The following SSX2IP variants were observed in gnomAD, a reference collection of about 807,000 sequenced individuals.
The protein encoded by SSX2IP is SSX family member 2 interacting protein.
SSX2IP carries 55 observed loss-of-function variants against 84.9 expected under a neutral mutation model. The ratio of observed to expected loss-of-function variants is 0.65; its 90% CI spans 0.52 to 0.81. The LOEUF (loss-of-function observed/expected upper bound fraction) is 0.81, where lower values mean the gene tolerates loss of function less well. Among genes scored for constraint, SSX2IP ranks in the 30% least tolerant of loss-of-function variants. The pLI is 0.00. For synonymous variants in SSX2IP, 239 were observed against 234.7 expected (o/e 1.02, Z -0.17); for missense variants, 664 against 705.2 (o/e 0.94, Z 0.66).
chr1:84,664,628 C>T, intron 5 of SSX2IP, 76 bp from the exon 6 acceptor site: 9 of 1,292,086 alleles, frequency 7.0e-6, no homozygotes, highest in Non-Finnish European at 9.3e-6. Flanking sequence ...AAATTCATCT[C>T]CCCATATAGG....
At chr1:84,671,119 T>C (rs1015962416) in intron 2 of SSX2IP, 58 bp downstream of exon 2, 24 of 1,569,904 alleles carry the variant, frequency 1.5e-5, no homozygotes, top group African/African-American at 4.1e-5. Context: ...TATATTTTCA[T>C]TGAAAAATTC....
chr1:84,648,279 C>G (rs1649733487), intron 13 of SSX2IP, among the ~76,000 whole-genome samples: 1 of 152,024 alleles, frequency 6.6e-6, no homozygotes, highest in Non-Finnish European at 1.5e-5. Context: ...AGTTATAAAA[C>G]TTTTTTCTGT....
At chr1:84,673,522 T>C (rs1023887764) in intron 1 of SSX2IP, among the ~76,000 whole-genome samples, 2 of 152,208 alleles carry the variant, frequency 1.3e-5, no homozygotes, top group South Asian at 2.1e-4. Flanking sequence ...GGTAGGAAAG[T>C]AGCATGTTCT....
chr1:84,665,301 GT>G (rs1261521304), intron 5 of SSX2IP, among the ~76,000 whole-genome samples: 1 of 152,060 alleles, frequency 6.6e-6, no homozygotes, highest in Non-Finnish European at 1.5e-5. Flanking sequence ...CAACCTTACA[GT>G]TTAAATACTA....
chr1:84,654,491 TA>T (rs955856422), intron 11 of SSX2IP, among the ~76,000 whole-genome samples: 22 of 148,874 alleles, frequency 1.5e-4, no homozygotes, highest in Admixed American at 3.3e-4. Flanking sequence ...GCACTATTTA[TA>T]AAAAAAAAAT....
At chr1:84,660,416 T>G (rs1307313662) in intron 8 of SSX2IP, among the ~76,000 whole-genome samples, 1 of 152,182 alleles carries the variant, frequency 6.6e-6, no homozygotes, top group East Asian at 1.9e-4. Flanking sequence ...GATGCTGCAG[T>G]AGTAATGGAC....
chr1:84,677,834 A>G (rs535903038), intron 1 of SSX2IP, among the ~76,000 whole-genome samples: 1 of 152,126 alleles, frequency 6.6e-6, no homozygotes, highest in Non-Finnish European at 1.5e-5. Flanking sequence ...ACCTCATTCA[A>G]ACCCTGAGAT....
Position 84,670,769 on chromosome 1 carries a change from T to A in SSX2IP, c.90A>T (p.Pro30=), listed in dbSNP as rs1471306878. 6.2e-7 allele frequency: 1 copy of A among 1,612,882 alleles called. No individual in the cohort carries two copies. The highest frequency in any genetic ancestry group is 1.3e-5 in the African/African-American group (1 of 74,894). The change falls in exon 3 of 14, where the codon CCA becomes CCT. Residue 30 remains proline, a synonymous_variant. Transcript: ENST00000342203. The part of the protein sequence containing the change: ...SQYTSETKMS[P]SSLYSQQVLC... ...GCACTTGCTGTGAGTATAAACTTGATGGAGACATCTTTGTTTCTGAGGTAT... is the reference window on the plus strand; with the variant it reads ...GCACTTGCTGTGAGTATAAACTTGAAGGAGACATCTTTGTTTCTGAGGTAT...
rs535937612 is a variant in SSX2IP at position 84,659,951 on chromosome 1, G to A, written c.928-1483C>T. 5.1e-4 allele frequency among the ~76,000 whole-genome samples: 78 copies of A among 152,242 alleles called. No homozygotes were observed. The Middle Eastern group carries it at 0.01, about 20-fold the overall frequency. ...TTTGTGAGGCCAAGGTGGGATGACT[G>A]TTTAAGCCCAGGAGTTCGAGACCAG... On this transcript the variant is annotated intron_variant, in intron 8 of 13. Transcript: ENST00000342203.
rs938622511 is a variant in SSX2IP, at chr1:84,647,141, A to G, written c.*292T>C. The G allele has an allele frequency of 1.4e-5, 3 of 221,252 alleles. No individual in the cohort carries two copies. The highest frequency in any genetic ancestry group is 6.8e-5 in the African/African-American group (3 of 44,302). 13.7% of individuals were successfully genotyped at this position (221,252 alleles called of 1,614,324 possible). On this transcript the variant is annotated 3_prime_UTR_variant, in exon 14 of 14. Transcript: ENST00000342203. Reference sequence around the variant, plus strand: ...TCAGTTTCCTAAAAGTGCTATTTTTAATACCTATAAGAGGAAACTCAGTCT... The same window carrying G: ...TCAGTTTCCTAAAAGTGCTATTTTTGATACCTATAAGAGGAAACTCAGTCT...
chr1:84,652,070 C>T, intron 11 of SSX2IP, 73 bp from the exon 12 acceptor site: 1 of 1,101,310 alleles, frequency 9.1e-7, no homozygotes, highest in South Asian at 1.3e-5. Flanking sequence ...CATGATTGCT[C>T]TAGCTATCTT....
chr1:84,670,755 G>T lies in SSX2IP; in HGVS notation c.104C>A (p.Ser35Ter). The T allele has an allele frequency of 6.2e-7, 1 of 1,613,092 alleles. No homozygotes were observed. The highest frequency in any genetic ancestry group is 8.5e-7 in the Non-Finnish European group (1 of 1,179,404). The change falls in exon 3 of 14, where the codon TCA becomes TAA. Residue 35 changes from serine to a stop codon, truncating the protein, a stop_gained. Transcript: ENST00000342203. LOFTEE classifies it high-confidence loss of function. ...TATTGAAGAACATAGCACTTGCTGTGAGTATAAACTTGATGGAGACATCTT... is the reference window on the plus strand; with the variant it reads ...TATTGAAGAACATAGCACTTGCTGTTAGTATAAACTTGATGGAGACATCTT... Reference protein sequence around the residue: ...ETKMSPSSLYSQQVLCSSIPL... With the variant: ...ETKMSPSSLY
chr1:84,652,295 G>A (rs1002629734), intron 11 of SSX2IP: 9 of 256,604 alleles, frequency 3.5e-5, no homozygotes, highest in Non-Finnish European at 6.2e-5. Context: ...TGGTGGCACA[G>A]GACTACAGTC....
rs148399387 is a variant in SSX2IP, at chr1:84,687,506, A to C, written c.-90+2865T>G. Among the ~76,000 whole-genome samples the C allele has an allele frequency of 3.7e-4, 57 of 152,276 alleles. No homozygotes were observed. In the East Asian group the frequency reaches 7.7e-3, roughly 21 times the overall value. On this transcript the variant is annotated intron_variant, in intron 1 of 13. Coordinates refer to ENST00000342203, the MANE Select transcript of SSX2IP (RefSeq NM_001166293.2). ...TTGAAAATGGGGAAGTATCTTATTT[A>C]ATTTGTATCCCTATTCTTCCAGTCT...
intron 3 of SSX2IP, 28 bp downstream of exon 3, chr1:84,670,618 G>A (rs780690265): frequency 4.8e-6 from 7 of 1,466,602 alleles, no homozygotes; most frequent in Non-Finnish European, 6.5e-6. Flanking sequence ...CATGATTTAT[G>A]CTACTGTTTT....
chr1:84,684,864 T>C (rs1016529591), intron 1 of SSX2IP, among the ~76,000 whole-genome samples: 2 of 152,132 alleles, frequency 1.3e-5, no homozygotes, highest in East Asian at 1.9e-4. Context: ...GCATGTAATA[T>C]ATACAGTTTT....
chr1:84,659,685 C>G (rs1312903940), intron 8 of SSX2IP, among the ~76,000 whole-genome samples: 1 of 151,342 alleles, frequency 6.6e-6, no homozygotes, highest in African/African-American at 2.4e-5. Flanking sequence ...GTACTTCCAG[C>G]TACTCAGGAG....
Position 84,644,279 on chromosome 1 carries a change from CTG to C in SSX2IP, c.*3152_*3153del, listed in dbSNP as rs1242833144. The C allele has an allele frequency of 6.6e-6, 1 of 152,208 alleles. No homozygotes were observed. Among genetic ancestry groups the C allele is most frequent in the African/African-American group, 2.4e-5 (1 of 41,448 alleles). 9.4% of individuals were successfully genotyped at this position (152,208 alleles called of 1,614,324 possible). On this transcript the variant is annotated 3_prime_UTR_variant, in exon 14 of 14. Coordinates refer to ENST00000342203, the MANE Select transcript of SSX2IP (RefSeq NM_001166293.2). ...CATCAGTCCATGTTTTATGAACAGA[CTG>C]AATGTGTCCGTAGCATCCACCATTG...
rs1001564982 is a variant in SSX2IP at position 84,655,997 on chromosome 1, G to A, written c.1224C>T (p.Leu408=). 6.8e-6 allele frequency: 11 copies of A among 1,608,548 alleles called. No homozygotes were observed. Among genetic ancestry groups the A allele is most frequent in the Admixed American group, 3.4e-5 (2 of 59,040 alleles). ...TGGTATCATCATCATATGCAGTAGCGAGCTGCTGCTATTAAAATTTAAAAC... is the reference window on the plus strand; with the variant it reads ...TGGTATCATCATCATATGCAGTAGCAAGCTGCTGCTATTAAAATTTAAAAC... ...KTQQQLLQQQ[L]ATAYDDDTTS... Residue 408 remains leucine (L), a synonymous_variant, in exon 11 of 14, where the codon CTC becomes CTT. Transcript: ENST00000342203.
Sources: gnomAD v4.1 joint callset for allele counts (sites outside exome capture counted in the v4.1 genomes callset) on GRCh38, gnomAD v4.1.1 for gene constraint, MANE v1.5 for transcripts, NCBI Gene and HGNC (gene_info 2026-07-23, HGNC 2026-07-21) for gene names.